The following PAPPA2 variants were observed in gnomAD, a reference collection of about 807,000 sequenced individuals.
PAPPA2 encodes the protein pappalysin-2.
A neutral mutation model predicts 176.4 loss-of-function variants in PAPPA2; 86 were observed. The observed-to-expected ratio is 0.49, with a 90% CI of 0.41 to 0.58. The LOEUF (loss-of-function observed/expected upper bound fraction) is 0.58, where lower values mean the gene tolerates loss of function less well. PAPPA2 is among the 20% of genes least tolerant of loss of function. PAPPA2 has a pLI of 0.00. For missense variants in PAPPA2, 2,073 were observed against 2,256.9 expected (o/e 0.92, Z 1.65); for synonymous variants, 809 against 852.2 (o/e 0.95, Z 0.88).
intron 3 of PAPPA2, among the ~76,000 whole-genome samples, chr1:176,607,667 TC>T (rs1319403355): frequency 3.9e-5 from 6 of 152,214 alleles, no homozygotes; most frequent in African/African-American, 1.4e-4. Flanking sequence ...TGTACCTCTG[TC>T]CTCCATTTGC....
In PAPPA2 at chr1:176,740,220, T is replaced by C. The variant is rs775073136; in HGVS notation, c.4151+24T>C. ...AGGTACAAACTTCCCTTTCTTTCTTTTGTTTCCTTTTCTTGTGGCTCTAAT... is the reference window on the plus strand; with the variant it reads ...AGGTACAAACTTCCCTTTCTTTCTTCTGTTTCCTTTTCTTGTGGCTCTAAT... On this transcript the variant is annotated intron_variant, in intron 14 of 22. Coordinates refer to ENST00000367662, the MANE Select transcript of PAPPA2 (RefSeq NM_020318.3). 2.1e-5 allele frequency: 33 copies of C among 1,597,810 alleles called. No individual in the cohort carries two copies. In the Admixed American group the frequency reaches 5.4e-4, roughly 26 times the overall value.
At position 176,748,839 on chromosome 1, in the gene PAPPA2, A is replaced by G. The variant is rs142977884; in HGVS notation, c.4151+8643A>G. ...AGCAGTAGGCTACACCATATAGCCT[A>G]TGTGTGTACTAGGCTATATCATATA... On this transcript the variant is annotated intron_variant, in intron 14 of 22. Coordinates refer to ENST00000367662, the MANE Select transcript of PAPPA2 (RefSeq NM_020318.3). Among the ~76,000 whole-genome samples the G allele has an allele frequency of 5.4e-3, 823 of 152,310 alleles. 8 individuals carry two copies. The highest frequency in any genetic ancestry group is 0.018 in the African/African-American group (753 of 41,578).
intron 4 of PAPPA2, among the ~76,000 whole-genome samples, chr1:176,689,573 T>G (rs929811694): frequency 2.6e-5 from 4 of 152,288 alleles, no homozygotes; most frequent in Admixed American, 2.0e-4. Flanking sequence ...CAAACAAATT[T>G]TAGTGTTATC....
At chr1:176,473,640 T>G (rs1651984303) in intron 1 of PAPPA2, among the ~76,000 whole-genome samples, 1 of 152,244 alleles carries the variant, frequency 6.6e-6, no homozygotes, top group Non-Finnish European at 1.5e-5. Flanking sequence ...TCATCTTGTA[T>G]TCCTACCATC....
chr1:176,764,649 T>G (rs1397639415), intron 14 of PAPPA2, among the ~76,000 whole-genome samples: 3 of 149,670 alleles, frequency 2.0e-5, no homozygotes, highest in Non-Finnish European at 4.4e-5. Flanking sequence ...CAGGCTGGAG[T>G]GCAGTGGCGA....
chr1:176,465,455 T>C (rs753412535), intron 1 of PAPPA2, among the ~76,000 whole-genome samples: 4 of 152,218 alleles, frequency 2.6e-5, no homozygotes, highest in Non-Finnish European at 5.9e-5. Context: ...AACGTTTATT[T>C]GATTACTTGT....
intron 1 of PAPPA2, among the ~76,000 whole-genome samples, chr1:176,544,668 G>C (rs1393112728): frequency 6.6e-6 from 1 of 152,108 alleles, no homozygotes; most frequent in Non-Finnish European, 1.5e-5. Flanking sequence ...TGGGCTTAGT[G>C]CAGATCCCAC....
chr1:176,595,632 A>G, intron 3 of PAPPA2, 37 bp downstream of exon 3: 1 of 1,557,808 alleles, frequency 6.4e-7, no homozygotes, highest in Non-Finnish European at 8.7e-7. Context: ...TACTTGTAGG[A>G]TGCATTTCTA....
intron 3 of PAPPA2, among the ~76,000 whole-genome samples, chr1:176,603,832 A>G (rs899909412): frequency 2.6e-5 from 4 of 152,052 alleles, no homozygotes; most frequent in Non-Finnish European, 4.4e-5. Flanking sequence ...CCCCGAGTCT[A>G]TTTTTAACAT....
intron 3 of PAPPA2, among the ~76,000 whole-genome samples, chr1:176,627,174 T>C (rs2102702816): frequency 6.6e-6 from 1 of 152,296 alleles, no homozygotes; most frequent in Middle Eastern, 3.4e-3. Flanking sequence ...CATTTTCCTG[T>C]TAATTACTCA....
Position 176,844,913 on chromosome 1 carries a change from A to G in PAPPA2, c.*2459A>G, listed in dbSNP as rs1248559982. The G allele has an allele frequency of 6.6e-6, 1 of 152,132 alleles. No homozygotes were observed. Among genetic ancestry groups the G allele is most frequent in the Non-Finnish European group, 1.5e-5 (1 of 68,010 alleles). The allele number at this position is 152,132 out of a possible 1,614,324, so 9.4% of individuals were successfully genotyped here. A position where few individuals can be genotyped will look rare whatever the true frequency, so the allele number is the denominator to read the frequency against. On this transcript the variant is annotated 3_prime_UTR_variant, in exon 23 of 23. Coordinates refer to ENST00000367662, the MANE Select transcript of PAPPA2 (RefSeq NM_020318.3). ...TTTAAATTTCATTTTAAAATATTTT[A>G]TTATCTGCAATTCACCACTGCTCTG...
At chr1:176,790,338 C>G (rs1665119533) in intron 18 of PAPPA2, among the ~76,000 whole-genome samples, 1 of 152,152 alleles carries the variant, frequency 6.6e-6, no homozygotes, top group Non-Finnish European at 1.5e-5. Context: ...GAGTCCTGAA[C>G]AGAAACACAA....
At chr1:176,760,928 TCTC>T (rs1663669696) in intron 14 of PAPPA2, among the ~76,000 whole-genome samples, 1 of 152,040 alleles carries the variant, frequency 6.6e-6, no homozygotes, top group Admixed American at 6.6e-5. Context: ...TTCATGCCAT[TCTC>T]CTGTCTCAGC....
chr1:176,720,501 AT>A (rs1661570254), intron 12 of PAPPA2, among the ~76,000 whole-genome samples: 1 of 151,994 alleles, frequency 6.6e-6, no homozygotes, highest in African/African-American at 2.4e-5. Flanking sequence ...ACCGTTTCTT[AT>A]TCATTTGTTC....
In PAPPA2 at chr1:176,513,454, C is replaced by G. The variant is rs144591010; in HGVS notation, c.-916-41953C>G. On this transcript the variant is annotated intron_variant, in intron 1 of 22. Transcript: ENST00000367662. ...TCTACCTCTCCTTCTCTTTTGCCTT[C>G]CTCTGATCTTCCCTCCCTGCTTCTC... is the stretch of plus-strand genomic sequence containing the variant. 7.3e-3 allele frequency among the ~76,000 whole-genome samples: 1,108 copies of G among 152,126 alleles called. 49 individuals are homozygous for G. The highest frequency in any genetic ancestry group is 0.067 in the Admixed American group (1,023 of 15,268).
intron 12 of PAPPA2, among the ~76,000 whole-genome samples, chr1:176,729,061 T>C (rs1662011664): frequency 6.6e-6 from 1 of 152,024 alleles, no homozygotes; most frequent in African/African-American, 2.4e-5. Flanking sequence ...TTCTCTTTAA[T>C]TATTAGTTTT....
chr1:176,813,003 C>T (rs1054808401), intron 21 of PAPPA2, among the ~76,000 whole-genome samples: 5 of 152,082 alleles, frequency 3.3e-5, no homozygotes, highest in Admixed American at 1.3e-4. Flanking sequence ...CATGTGTTCT[C>T]ATCATTCAGC....
Position 176,623,758 on chromosome 1 carries a change from CCTTTCTTTCTTTCTTTCTTT to C in PAPPA2, c.1991+28195_1991+28214del, listed in dbSNP as rs71129580. ...TTTCTTTCTCTCTCTTTCCTTCCTT[CCTTTCTTTCTTTCTTTCTTT>C]CTTTCTTTCTTTCTTTCTTTCTTTC... On this transcript the variant is annotated intron_variant, in intron 3 of 22. Coordinates refer to ENST00000367662, the MANE Select transcript of PAPPA2 (RefSeq NM_020318.3). Among the ~76,000 whole-genome samples, 5 of 59,042 alleles carry C rather than the reference CCTTTCTTTCTTTCTTTCTTT, an allele frequency of 8.5e-5. No homozygotes were observed. The East Asian group carries it at 2.0e-3, about 24-fold the overall frequency. The allele number at this position is 59,042 out of a possible 152,430, so 38.7% of individuals were successfully genotyped here.
intron 20 of PAPPA2, among the ~76,000 whole-genome samples, chr1:176,795,327 A>G (rs932403922): frequency 6.6e-6 from 1 of 152,072 alleles, no homozygotes; most frequent in African/African-American, 2.4e-5. Context: ...GATTCATTTC[A>G]TCTTTTACTC....
Sources: gnomAD v4.1 joint callset for allele counts (sites outside exome capture counted in the v4.1 genomes callset) on GRCh38, gnomAD v4.1.1 for gene constraint, MANE v1.5 for transcripts, NCBI Gene and HGNC (gene_info 2026-07-23, HGNC 2026-07-21) for gene names.